BMS1: variants seen among roughly 807,000 people sequenced by gnomAD.
BMS1 encodes BMS1 ribosome biogenesis factor, also known as ribosome biogenesis protein BMS1 homolog.
Under a neutral mutation model 138.7 loss-of-function variants are expected in BMS1, and 53 were observed. That is an observed-to-expected ratio of 0.38 (90% CI 0.31 to 0.48). The LOEUF (loss-of-function observed/expected upper bound fraction) is 0.48. Among genes scored for constraint, BMS1 ranks in the 20% least tolerant of loss-of-function variants. The pLI, the probability that BMS1 is intolerant of heterozygous loss-of-function variation, is 0.97. For missense variants in BMS1, 1,360 were observed against 1,565.5 expected (o/e 0.87, Z 2.22); for synonymous variants, 504 against 539.9 (o/e 0.93, Z 0.92).
At chr10:42,816,486 A>G in intron 13 of BMS1, 113 bp from the exon 14 acceptor site, 2 of 744,866 alleles carry the variant, frequency 2.7e-6, no homozygotes, top group South Asian at 4.2e-5. Context: ...TAGTGACAGG[A>G]ACAGTGAGAA....
At chr10:42,798,760 T>C in intron 12 of BMS1, 135 bp downstream of exon 12, 1 of 1,246,866 alleles carries the variant, frequency 8.0e-7, no homozygotes, top group Non-Finnish European at 1.1e-6. Flanking sequence ...TCCCAGATAT[T>C]GTAGTGGGCG....
At chr10:42,826,074 A>G (rs1173313616) in intron 21 of BMS1, among the ~76,000 whole-genome samples, 2 of 152,232 alleles carry the variant, frequency 1.3e-5, no homozygotes, top group Non-Finnish European at 2.9e-5. Context: ...ACATTGATTG[A>G]TTTACATATG....
At chr10:42,807,166 T>A (rs536649873) in intron 13 of BMS1, among the ~76,000 whole-genome samples, 4 of 152,214 alleles carry the variant, frequency 2.6e-5, no homozygotes, top group African/African-American at 7.2e-5. Flanking sequence ...CTTGTATTGC[T>A]GTTTTATAAA....
rs377084867 is a variant in BMS1, at chr10:42,797,148, T to C, written c.1904T>C (p.Ile635Thr). 16 of 1,614,054 alleles carry C rather than the reference T, an allele frequency of 9.9e-6. No homozygotes were observed. The highest frequency in any genetic ancestry group is 3.3e-4 in the Middle Eastern group (2 of 6,084). The change falls in exon 10 of 23, where the codon ATT becomes ACT. Residue 635 changes from isoleucine to threonine, a missense_variant. By Grantham distance (89) the Ile-to-Thr change is moderately conservative. Coordinates refer to ENST00000374518, the MANE Select transcript of BMS1 (RefSeq NM_014753.4). ...CAGAAACTGGGGCCACAGAACTTCATTGATGAGACCAGTGATATAGAAAAT... is the reference window on the plus strand; with the variant it reads ...CAGAAACTGGGGCCACAGAACTTCACTGATGAGACCAGTGATATAGAAAAT... ...SGQKLGPQNF[I>T]DETSDIENLL...
At chr10:42,797,863 G>A (rs889284738) in intron 11 of BMS1, among the ~76,000 whole-genome samples, 1 of 152,280 alleles carries the variant, frequency 6.6e-6, no homozygotes, top group Middle Eastern at 3.4e-3. Context: ...CTGAGAATGA[G>A]AACCCTGTAT....
At chr10:42,800,312 C>T (rs184641727) in intron 12 of BMS1, among the ~76,000 whole-genome samples, 3 of 152,074 alleles carry the variant, frequency 2.0e-5, no homozygotes, top group Non-Finnish European at 4.4e-5. Context: ...CATTAGGAGG[C>T]GCATAAAGAC....
Position 42,830,335 on chromosome 10 carries a change from G to C in BMS1, c.3531G>C (p.Lys1177Asn). The change falls in exon 22 of 23, where the codon AAG becomes AAC. Residue 1177 changes from lysine to asparagine, a missense_variant. Transcript: ENST00000374518. ...PKALQKALPF[K>N]NKPKTQAKAG... ...CCTTGCAGAAGGCCCTGCCATTTAA[G>C]AACAAGCCCAAGACCCAAGCAAAGG... The C allele has an allele frequency of 6.2e-7, 1 of 1,614,040 alleles. No individual in the cohort carries two copies. The highest frequency in any genetic ancestry group is 8.5e-7 in the Non-Finnish European group (1 of 1,180,030).
chr10:42,799,106 C>T (rs985400766), intron 12 of BMS1, among the ~76,000 whole-genome samples: 1 of 152,126 alleles, frequency 6.6e-6, no homozygotes, highest in African/African-American at 2.4e-5. Flanking sequence ...GACCTCTTCT[C>T]TTTCTCTCTC....
At chr10:42,793,295 A>G (rs1841572393) in intron 8 of BMS1, 151 bp downstream of exon 8, 5 of 711,142 alleles carry the variant, frequency 7.0e-6, no homozygotes, top group African/African-American at 1.8e-5. Context: ...TTGTAAATAT[A>G]TAGGATAAAA....
At chr10:42,798,868 G>C (rs1228969769) in intron 12 of BMS1, among the ~76,000 whole-genome samples, 1 of 152,174 alleles carries the variant, frequency 6.6e-6, no homozygotes, top group South Asian at 2.1e-4. Context: ...ACAGTAGTGT[G>C]CATCTTTATT....
chr10:42,815,482 G>GT lies in BMS1; in HGVS notation c.2330-1115dup, dbSNP rs540294877. ...TCCTATCTATTATAACTTCTACCTG[G>GT]TTCTTTGGCCCTTATGTGAAAATGT... On this transcript the variant is annotated intron_variant, in intron 13 of 22. Coordinates refer to ENST00000374518, the MANE Select transcript of BMS1 (RefSeq NM_014753.4). Among the ~76,000 whole-genome samples, 7 of 152,112 alleles carry GT rather than the reference G, an allele frequency of 4.6e-5. No homozygotes were observed. The South Asian group carries it at 1.5e-3, about 32-fold the overall frequency.
At chr10:42,805,732 C>A (rs1009503006) in intron 13 of BMS1, among the ~76,000 whole-genome samples, 2 of 152,040 alleles carry the variant, frequency 1.3e-5, no homozygotes, top group Non-Finnish European at 2.9e-5. Flanking sequence ...TTATGTATGG[C>A]TAATATATAA....
Position 42,820,668 on chromosome 10 carries a change from A to G in BMS1, c.2930A>G (p.His977Arg), listed in dbSNP as rs1564429213. The G allele has an allele frequency of 6.2e-7, 1 of 1,611,968 alleles. No homozygotes were observed. The highest frequency in any genetic ancestry group is 8.5e-7 in the Non-Finnish European group (1 of 1,179,812). Residue 977 changes from histidine to arginine, a missense_variant, in exon 17 of 23, where the codon CAT (histidine) becomes CGT (arginine). Coordinates refer to ENST00000374518, the MANE Select transcript of BMS1 (RefSeq NM_014753.4). ...RLLKYTPQHM[H>R]CGAAFWGPIT... ...CTAAAGTATACCCCACAGCACATGC[A>G]TTGCGGAGCAGCCTTTTGGGGTAAA... is the stretch of plus-strand genomic sequence containing the variant.
At position 42,820,656 on chromosome 10, in the gene BMS1, C is replaced by G; in HGVS notation, c.2918C>G (p.Pro973Arg). Residue 973 changes from proline to arginine, a missense_variant, in exon 17 of 23, where the codon CCA (proline) becomes CGA (arginine). By Grantham distance (103) the Pro-to-Arg change is moderately radical. Around this residue, in one of 3 missense-constraint regions of BMS1, gnomAD observed 425 missense variants for 568.3 expected, o/e 0.75. Coordinates refer to ENST00000374518, the MANE Select transcript of BMS1 (RefSeq NM_014753.4). ...NGRQRLLKYT[P>R]QHMHCGAAFW... ...AGACAAAGGCTTCTAAAGTATACCC[C>G]ACAGCACATGCATTGCGGAGCAGCC... 6.2e-7 allele frequency: 1 copy of G among 1,611,992 alleles called. No homozygotes were observed. Among genetic ancestry groups the G allele is most frequent in the Non-Finnish European group, 8.5e-7 (1 of 1,179,840 alleles).
At chr10:42,796,436 T>C in intron 9 of BMS1, 38 bp from the exon 10 acceptor site, 1 of 1,569,766 alleles carries the variant, frequency 6.4e-7, no homozygotes, top group Non-Finnish European at 8.7e-7. Flanking sequence ...CTGATTAATG[T>C]ACAAATTGAA....
intron 5 of BMS1, 26 bp downstream of exon 5, chr10:42,790,537 A>G (rs1282900344): frequency 1.2e-6 from 2 of 1,608,958 alleles, no homozygotes; most frequent in African/African-American, 1.3e-5. Flanking sequence ...ATTGTTGGAT[A>G]CTAACAGTAT....
rs1841305068 is a variant in BMS1, at chr10:42,785,642, G to A, written c.337G>A (p.Glu113Lys). 3.1e-6 allele frequency: 5 copies of A among 1,613,752 alleles called. No individual in the cohort carries two copies. The highest frequency in any genetic ancestry group is 2.7e-5 in the African/African-American group (2 of 74,908). The change falls in exon 3 of 23, where the codon GAG (glutamate) becomes AAG (lysine). Residue 113 changes from glutamate to lysine, a missense_variant. Physicochemically the swap from Glu to Lys is moderately conservative, Grantham distance 56 (BLOSUM62 1). Around this residue, in one of 3 missense-constraint regions of BMS1, gnomAD observed 238 missense variants for 311.1 expected, o/e 0.77. Transcript: ENST00000374518. ...IRNFTRQKLTEIRGPVTIVSG... is the reference protein window; with the variant it reads ...IRNFTRQKLTKIRGPVTIVSG... ...GAACTTTACCCGGCAGAAGTTGACT[G>A]AGATCAGAGGCCCTGTGACGATTGT... is the stretch of plus-strand genomic sequence containing the variant.
In BMS1 at chr10:42,796,597, T is replaced by C. The variant is rs767900013; in HGVS notation, c.1353T>C (p.Ser451=). The C allele has an allele frequency of 6.2e-7, 1 of 1,614,166 alleles. No individual in the cohort carries two copies. The highest frequency in any genetic ancestry group is 8.5e-7 in the Non-Finnish European group (1 of 1,180,026). The change falls in exon 10 of 23, where the codon TCT becomes TCC. Residue 451 remains serine, a synonymous_variant. Coordinates refer to ENST00000374518, the MANE Select transcript of BMS1 (RefSeq NM_014753.4). ...DSDDEEDDEM[S]EDDGLENGSS... is the part of the protein sequence containing the mutation. ...ATGATGAAGAAGATGATGAAATGTC[T>C]GAAGATGACGGGTTGGAAAACGGCT... is the stretch of plus-strand genomic sequence containing the variant.
At chr10:42,818,158 G>A (rs1842404054) in intron 15 of BMS1, among the ~76,000 whole-genome samples, 1 of 152,170 alleles carries the variant, frequency 6.6e-6, no homozygotes, top group Non-Finnish European at 1.5e-5. Flanking sequence ...AACAGATTAG[G>A]TATATGATTT....
Sources: gnomAD v4.1 joint callset for allele counts (sites outside exome capture counted in the v4.1 genomes callset) on GRCh38, gnomAD v4.1.1 for gene constraint, gnomAD v4.1.1 regional missense constraint, MANE v1.5 for transcripts, NCBI Gene and HGNC (gene_info 2026-07-23, HGNC 2026-07-21) for gene names.